Variants in WDR72 observed in about 807,000 individuals in gnomAD.
WDR72 encodes WD repeat domain 72.
In WDR72, 120 loss-of-function variants were observed where a neutral mutation model predicts 124.2. That is an observed-to-expected ratio of 0.97 (90% CI 0.83 to 1.12). The LOEUF is 1.12. Ranked by LOEUF, WDR72 falls within the 50% of genes most tolerant of loss-of-function variation. WDR72 has a pLI of 0.00. For synonymous variants in WDR72, 452 were observed against 441.7 expected (o/e 1.02, Z -0.29); for missense variants, 1,387 against 1,278.8 (o/e 1.08, Z -1.29).
chr15:53,739,794 A>G (rs2018458890), intron 1 of WDR72, among the ~76,000 whole-genome samples: 1 of 152,222 alleles, frequency 6.6e-6, no homozygotes, highest in East Asian at 1.9e-4. Flanking sequence ...TAAGAATTAA[A>G]TAGTGATACA....
At chr15:53,722,721 A>C (rs902490454) in intron 3 of WDR72, 81 bp downstream of exon 3, 2 of 1,231,486 alleles carry the variant, frequency 1.6e-6, no homozygotes, top group Non-Finnish European at 2.4e-6. Context: ...GGTTTCCTTC[A>C]GCCCTAAAAT....
chr15:53,650,707 G>T (rs1170253199), intron 14 of WDR72, among the ~76,000 whole-genome samples: 1 of 151,988 alleles, frequency 6.6e-6, no homozygotes, highest in African/African-American at 2.4e-5. Context: ...ATCTAAAGCG[G>T]TTCCTCCCAC....
Position 53,613,741 on chromosome 15 carries a change from T to C in WDR72, c.2797A>G (p.Ser933Gly). 1 of 1,606,352 alleles carries C rather than the reference T, an allele frequency of 6.2e-7. No homozygotes were observed. Among genetic ancestry groups the C allele is most frequent in the Non-Finnish European group, 8.5e-7 (1 of 1,174,144 alleles). The change falls in exon 16 of 20, where the codon AGT becomes GGT. Residue 933 changes from serine (S) to glycine (G), a missense_variant. Physicochemically the swap from Ser to Gly is moderately conservative, Grantham distance 56. Coordinates refer to ENST00000360509, the MANE Select transcript of WDR72 (RefSeq NM_182758.4). ...GCACCTCTCATCTTATTATGTATAC[T>C]TTCCATTCTGAAAGAACTGTTAGAA... is the stretch of plus-strand genomic sequence containing the variant. ...CRVGSSFRMESIHNKMRGAGN... is the reference protein window; with the variant it reads ...CRVGSSFRMEGIHNKMRGAGN...
rs1595767268 is a variant in WDR72, at chr15:53,572,092, AT to A, written c.3148+24986del. On this transcript the variant is annotated intron_variant, in intron 18 of 19. Transcript: ENST00000360509. ...GTTCTCTTGTTATTGAGTTGTTTGA[AT>A]TCCTTATATATTTTGAATATTAACT... Among the ~76,000 whole-genome samples the A allele has an allele frequency of 2.0e-5, 3 of 152,052 alleles. No individual in the cohort carries two copies. In the East Asian group the frequency reaches 5.8e-4, roughly 29 times the overall value.
intron 2 of WDR72, among the ~76,000 whole-genome samples, chr15:53,731,825 G>A (rs2018211128): frequency 6.6e-6 from 1 of 152,044 alleles, no homozygotes; most frequent in Admixed American, 6.6e-5. Context: ...ACAACTTACA[G>A]CATGCACTCA....
Position 53,702,310 on chromosome 15 carries a change from T to C in WDR72, c.1393A>G (p.Thr465Ala), listed in dbSNP as rs764594546. 1.9e-6 allele frequency: 3 copies of C among 1,613,874 alleles called. No homozygotes were observed. The African/African-American group carries it at 4.0e-5, about 22-fold the overall frequency. ...AGACCATGTGGATAGAGTAATGAAG[T>C]GACACTTTGGTGGTGGCCTTTAAGA... The part of the protein sequence containing the change: ...KVLKGHHQSV[T>A]SLLYPHGLSS... The change falls in exon 12 of 20, where the codon ACT (threonine) becomes GCT (alanine). Residue 465 changes from threonine to alanine, a missense_variant. Transcript: ENST00000360509.
intron 1 of WDR72, among the ~76,000 whole-genome samples, chr15:53,754,642 C>A (rs984474077): frequency 2.0e-5 from 3 of 152,046 alleles, no homozygotes; most frequent in African/African-American, 4.8e-5. Flanking sequence ...TCGATCCAAC[C>A]CATTTTAACT....
chr15:53,752,470 C>T (rs774517288), intron 1 of WDR72, among the ~76,000 whole-genome samples: 15 of 152,136 alleles, frequency 9.9e-5, no homozygotes, highest in Non-Finnish European at 1.8e-4. Flanking sequence ...TGAAGGCAGA[C>T]GTTGGGGTGA....
intron 1 of WDR72, among the ~76,000 whole-genome samples, chr15:53,744,116 T>C (rs1054708786): frequency 7.2e-5 from 11 of 152,206 alleles, no homozygotes; most frequent in Non-Finnish European, 5.9e-5. Flanking sequence ...TGCTCCTTTC[T>C]ATAACCAACA....
chr15:53,631,766 GT>G (rs1159045545), intron 14 of WDR72, among the ~76,000 whole-genome samples: 2 of 152,320 alleles, frequency 1.3e-5, no homozygotes, highest in East Asian at 3.9e-4. Context: ...CTAGGGATCT[GT>G]GGGACTTTGA....
intron 18 of WDR72, among the ~76,000 whole-genome samples, chr15:53,531,070 T>C (rs780449796): frequency 1.3e-5 from 2 of 152,070 alleles, no homozygotes; most frequent in African/African-American, 4.8e-5. Flanking sequence ...AATCACATTA[T>C]CTAGACTACG....
intron 6 of WDR72, among the ~76,000 whole-genome samples, chr15:53,713,938 T>C (rs2017628037): frequency 6.6e-6 from 1 of 152,144 alleles, no homozygotes; most frequent in Non-Finnish European, 1.5e-5. Context: ...CAGAACTCCT[T>C]GGGGAAGCCT....
chr15:53,565,301 T>C (rs866784204), intron 18 of WDR72, among the ~76,000 whole-genome samples: 2 of 151,892 alleles, frequency 1.3e-5, no homozygotes, highest in Non-Finnish European at 2.9e-5. Context: ...TTTTTTTCTT[T>C]TCAATAAATT....
intron 14 of WDR72, among the ~76,000 whole-genome samples, chr15:53,646,484 G>A (rs1463745774): frequency 6.6e-6 from 1 of 152,088 alleles, no homozygotes; most frequent in Non-Finnish European, 1.5e-5. Context: ...CAAGGTAAAG[G>A]AGGGAGTGAG....
At chr15:53,661,272 C>T (rs889750434) in intron 14 of WDR72, among the ~76,000 whole-genome samples, 24 of 152,290 alleles carry the variant, frequency 1.6e-4, no homozygotes, top group African/African-American at 5.8e-4. Context: ...ATTCTGCTGG[C>T]TGGAAGACAG....
At chr15:53,735,206 A>T (rs1040248873) in intron 1 of WDR72, among the ~76,000 whole-genome samples, 1 of 152,028 alleles carries the variant, frequency 6.6e-6, no homozygotes, top group Non-Finnish European at 1.5e-5. Flanking sequence ...TGGGGAAATC[A>T]CTTGAACCCA....
rs976677177 is a variant in WDR72, at chr15:53,545,205, G to A, written c.3149-21883C>T. ...ACCAAAAAAGAGCCCGCATCGCCAC[G>A]GGAATCCTAAGCCAAAAGAACAAAG... On this transcript the variant is annotated intron_variant, in intron 18 of 19. Transcript: ENST00000360509. Among the ~76,000 whole-genome samples the A allele has an allele frequency of 1.6e-4, 24 of 151,396 alleles. 1 individual carries two copies. Among genetic ancestry groups the A allele is most frequent in the African/African-American group, 5.6e-4 (23 of 41,218 alleles).
chr15:53,706,205 T>G, intron 9 of WDR72, 131 bp from the exon 10 acceptor site: 1 of 1,085,354 alleles, frequency 9.2e-7, no homozygotes, highest in Non-Finnish European at 1.3e-6. Flanking sequence ...TTTTGACATT[T>G]TCAAGTAAAT....
Position 53,702,373 on chromosome 15 carries a change from C to G in WDR72, c.1349-19G>C. 6.4e-7 allele frequency: 1 copy of G among 1,557,620 alleles called. No individual in the cohort carries two copies. The highest frequency in any genetic ancestry group is 2.2e-5 in the East Asian group (1 of 44,518). On this transcript the variant is annotated intron_variant, in intron 11 of 19. Transcript: ENST00000360509. ...GGAGAATCTGAAAAACAATGAAACA[C>G]CAAATAATACAGATGTTATTTTTGT...
Sources: gnomAD v4.1 joint callset for allele counts (sites outside exome capture counted in the v4.1 genomes callset) on GRCh38, gnomAD v4.1.1 for gene constraint, MANE v1.5 for transcripts, NCBI Gene and HGNC (gene_info 2026-07-23, HGNC 2026-07-21) for gene names.